WDFY3: variants seen among roughly 807,000 people sequenced by gnomAD.
WDFY3 encodes the protein WD repeat and FYVE domain containing 3, also known as WD repeat and FYVE domain-containing protein 3.
WDFY3 carries 66 observed loss-of-function variants against 409.6 expected under a neutral mutation model. The observed-to-expected ratio is 0.16, with a 90% confidence interval of 0.13 to 0.20. The LOEUF (loss-of-function observed/expected upper bound fraction) is 0.20, where lower values mean the gene tolerates loss of function less well. WDFY3 is among the 10% of genes least tolerant of loss of function. The pLI is 1.00. For missense variants in WDFY3, 3,031 were observed against 4,298.1 expected (o/e 0.71, Z 8.24); for synonymous variants, 1,521 against 1,537.1 (o/e 0.99, Z 0.25).
intron 3 of WDFY3, among the ~76,000 whole-genome samples, chr4:84,894,982 T>C (rs369254652): frequency 1.4e-5 from 2 of 141,698 alleles, no homozygotes; most frequent in East Asian, 4.1e-4. Context: ...CTTTTTCAAA[T>C]AGGTAAATAT....
intron 5 of WDFY3, among the ~76,000 whole-genome samples, chr4:84,848,462 C>T (rs150301812): frequency 3.2e-4 from 48 of 152,238 alleles, no homozygotes; most frequent in African/African-American, 1.1e-3. Context: ...ACCCTGAGTG[C>T]TCATCCTGGG....
chr4:84,728,358 C>T (rs904625505), intron 44 of WDFY3, among the ~76,000 whole-genome samples: 1 of 151,854 alleles, frequency 6.6e-6, no homozygotes, highest in Non-Finnish European at 1.5e-5. Flanking sequence ...GCAAACCCCC[C>T]ATCTCTACCA....
chr4:84,718,322 T>C, intron 48 of WDFY3, 100 bp downstream of exon 48: 9 of 1,294,490 alleles, frequency 7.0e-6, no homozygotes, highest in Non-Finnish European at 8.4e-6. Flanking sequence ...GAGATAACAT[T>C]ACCTAGAACA....
intron 7 of WDFY3, among the ~76,000 whole-genome samples, chr4:84,836,516 A>G (rs1233635146): frequency 6.6e-6 from 1 of 152,100 alleles, no homozygotes; most frequent in Non-Finnish European, 1.5e-5. Flanking sequence ...CCACCAAAGT[A>G]AACTGTCTTT....
At chr4:84,737,415 A>G in intron 40 of WDFY3, 49 bp from the exon 41 acceptor site, 1 of 1,503,164 alleles carries the variant, frequency 6.7e-7, no homozygotes, top group South Asian at 1.4e-5. Context: ...AATGATCAAA[A>G]CACAGTATAA....
chr4:84,725,699 C>T (rs900102371), intron 45 of WDFY3, among the ~76,000 whole-genome samples: 3 of 152,054 alleles, frequency 2.0e-5, no homozygotes, highest in East Asian at 1.9e-4. Flanking sequence ...TTTTACTACC[C>T]GTCTACTCTT....
chr4:84,880,670 C>CACACATATATAT (rs1763368305), intron 3 of WDFY3, among the ~76,000 whole-genome samples: 1 of 55,204 alleles, frequency 1.8e-5, no homozygotes, highest in Non-Finnish European at 3.2e-5. Context: ...ATAAGGGAAC[C>CACACATATATAT]ATACATATAT....
chr4:84,748,594 T>C (rs972967543), intron 36 of WDFY3, among the ~76,000 whole-genome samples: 6 of 152,174 alleles, frequency 3.9e-5, no homozygotes, highest in African/African-American at 9.7e-5. Flanking sequence ...CTCAAACCCA[T>C]GCTCTAGCTT....
chr4:84,709,072 C>T, intron 52 of WDFY3, 44 bp from the exon 53 acceptor site: 1 of 1,606,310 alleles, frequency 6.2e-7, no homozygotes, highest in Non-Finnish European at 8.5e-7. Flanking sequence ...CGATTATTTC[C>T]ACTATGTTCA....
intron 36 of WDFY3, among the ~76,000 whole-genome samples, chr4:84,744,852 C>CAAAAAAAAAA (rs1165273561): frequency 6.4e-5 from 1 of 15,746 alleles, no homozygotes; most frequent in African/African-American, 2.5e-4. Flanking sequence ...GACTCCGTCT[C>CAAAAAAAAAA]AAAAAAAAAA....
chr4:84,901,869 C>T (rs904851316), intron 2 of WDFY3, among the ~76,000 whole-genome samples: 1 of 152,140 alleles, frequency 6.6e-6, no homozygotes, highest in African/African-American at 2.4e-5. Flanking sequence ...TTTTTCTGCA[C>T]GCAGTCTGGC....
chr4:84,943,212 C>A (rs1374153293), intron 1 of WDFY3, among the ~76,000 whole-genome samples: 1 of 152,126 alleles, frequency 6.6e-6, no homozygotes, highest in African/African-American at 2.4e-5. Flanking sequence ...TGTAAGAATA[C>A]AGTATATGGC....
intron 1 of WDFY3, among the ~76,000 whole-genome samples, 146 bp downstream of exon 1, chr4:84,966,057 GGGCCGC>G (rs1249180859): frequency 6.6e-6 from 1 of 151,926 alleles, no homozygotes; most frequent in African/African-American, 2.4e-5. Context: ...GACAGCAGCT[GGGCCGC>G]GGCCTGTCCC....
Position 84,671,309 on chromosome 4 carries a change from T to C in WDFY3, c.*1559A>G, listed in dbSNP as rs1467162082. On this transcript the variant is annotated 3_prime_UTR_variant, in exon 68 of 68. Transcript: ENST00000295888. The stretch of plus-strand genomic sequence containing the variant: ...AAAGCCAAAGCCGCTGTCCTTTGCA[T>C]GATGCCTCTGTGAGGGTGTGAAGGC... 6.6e-6 allele frequency: 1 copy of C among 152,576 alleles called. No homozygotes were observed. The highest frequency in any genetic ancestry group is 2.4e-5 in the African/African-American group (1 of 41,440). 9.5% of individuals were successfully genotyped at this position (152,576 alleles called of 1,614,324 possible).
chr4:84,792,046 A>G (rs1748625612), intron 21 of WDFY3, among the ~76,000 whole-genome samples: 1 of 152,246 alleles, frequency 6.6e-6, no homozygotes, highest in Admixed American at 6.5e-5. Context: ...AATTTAAAGC[A>G]GATCCAGTAT....
rs1746799300 is a variant in WDFY3 at position 84,782,827 on chromosome 4, C to A, written c.4174+136G>T. On this transcript the variant is annotated intron_variant, in intron 25 of 67. Coordinates refer to ENST00000295888, the MANE Select transcript of WDFY3 (RefSeq NM_014991.6). ...GGAATTTGAGATTGTTACATGTAAT[C>A]TCTGAATACTGCACGTACACTATAG... 5 of 651,166 alleles carry A rather than the reference C, an allele frequency of 7.7e-6. No homozygotes were observed. In the East Asian group the frequency reaches 8.4e-5, roughly 11 times the overall value. 40.3% of individuals were successfully genotyped at this position (651,166 alleles called of 1,614,324 possible).
intron 3 of WDFY3, among the ~76,000 whole-genome samples, chr4:84,885,201 C>T (rs899066532): frequency 1.3e-5 from 2 of 151,772 alleles, no homozygotes. Flanking sequence ...ATGGGGATTC[C>T]ACCATGTTGG....
intron 60 of WDFY3, among the ~76,000 whole-genome samples, chr4:84,690,975 T>C (rs755261642): frequency 2.6e-5 from 4 of 152,130 alleles, no homozygotes; most frequent in Non-Finnish European, 5.9e-5. Context: ...CAGGGGACAA[T>C]GTGGCAAAAG....
intron 58 of WDFY3, among the ~76,000 whole-genome samples, chr4:84,693,781 G>C (rs569895005): frequency 6.9e-4 from 105 of 152,012 alleles, no homozygotes; most frequent in South Asian, 2.9e-3. Flanking sequence ...TGTAGTTCCA[G>C]CTACTTGGGA....
Sources: allele counts gnomAD v4.1 joint callset (sites outside exome capture counted in the v4.1 genomes callset), GRCh38; gene constraint gnomAD v4.1.1; transcripts MANE v1.5; gene names NCBI Gene and HGNC (gene_info 2026-07-23, HGNC 2026-07-21).